The following DNAAF11 variants were observed in gnomAD, a reference collection of about 807,000 sequenced individuals.
The protein encoded by DNAAF11 is leucine rich repeat containing 6.
A neutral mutation model predicts 60.8 loss-of-function variants in DNAAF11; 45 were observed. The ratio of observed to expected loss-of-function variants is 0.74; its 90% CI spans 0.58 to 0.95. The LOEUF (loss-of-function observed/expected upper bound fraction) is 0.95. DNAAF11 is among the 40% of genes least tolerant of loss of function. The pLI is 0.00. For missense variants in DNAAF11, 546 were observed against 546.2 expected (o/e 1.00, Z 0.00); for synonymous variants, 191 against 183.5 (o/e 1.04, Z -0.33).
chr8:132,646,214 G>A (rs1206416276), intron 3 of DNAAF11, among the ~76,000 whole-genome samples: 1 of 152,110 alleles, frequency 6.6e-6, no homozygotes. Flanking sequence ...TTTCAACCCA[G>A]AATTTCATAT....
At chr8:132,616,301 C>A (rs528142280) in intron 7 of DNAAF11, among the ~76,000 whole-genome samples, 2 of 151,998 alleles carry the variant, frequency 1.3e-5, no homozygotes, top group South Asian at 4.2e-4. Flanking sequence ...AGAAAAGGAG[C>A]GTGTATCCTT....
chr8:132,611,862 C>CT (rs886096721), intron 8 of DNAAF11, among the ~76,000 whole-genome samples: 1 of 152,110 alleles, frequency 6.6e-6, no homozygotes, highest in Non-Finnish European at 1.5e-5. Flanking sequence ...ATAAGCAAAC[C>CT]CTTCTGTTTA....
intron 10 of DNAAF11, among the ~76,000 whole-genome samples, chr8:132,599,594 T>A (rs915149015): frequency 1.3e-5 from 2 of 152,168 alleles, no homozygotes; most frequent in Admixed American, 1.3e-4. Context: ...GTGGGCTTCA[T>A]CCCTGGGATG....
At position 132,625,407 on chromosome 8, in the gene DNAAF11, T is replaced by C; in HGVS notation, c.701A>G (p.Glu234Gly). 6.2e-7 allele frequency: 1 copy of C among 1,613,458 alleles called. No individual in the cohort carries two copies. The highest frequency in any genetic ancestry group is 8.5e-7 in the Non-Finnish European group (1 of 1,179,658). The part of the protein sequence containing the change: ...KDHLQAPDTE[E>G]HNTKKLDNSE... ...GTTGTCTAATTTCTTTGTGTTGTGT[T>C]CCTCTGTGTCTGGTGCCTGTAGGTG... Residue 234 changes from glutamate (E) to glycine (G), a missense_variant, in exon 6 of 12, where the codon GAA (glutamate) becomes GGA (glycine). By Grantham distance (98) the Glu-to-Gly change is moderately conservative. Coordinates refer to ENST00000620350, the MANE Select transcript of DNAAF11 (RefSeq NM_012472.6).
At chr8:132,675,194 C>T (rs1825669826) in intron 1 of DNAAF11, 1 of 404,714 alleles carries the variant, frequency 2.5e-6, no homozygotes, top group Non-Finnish European at 4.5e-6. Flanking sequence ...GCACGTTCCC[C>T]GACCCCTTTC....
chr8:132,686,657 G>A, the DNAAF11 span, among the ~76,000 whole-genome samples: 2 of 152,060 alleles, frequency 1.3e-5, no homozygotes, highest in Non-Finnish European at 2.9e-5. Flanking sequence ...TAGGAGGATA[G>A]CAGTGGTGAT....
chr8:132,699,455 A>G, the DNAAF11 span, among the ~76,000 whole-genome samples: 21,495 of 152,038 alleles, frequency 0.14, 4,333 homozygotes, highest in African/African-American at 0.45. Context: ...CAAGGAAGCC[A>G]AGTGGCCTGA....
At chr8:132,695,004 G>A in the DNAAF11 span, among the ~76,000 whole-genome samples, 1 of 152,172 alleles carries the variant, frequency 6.6e-6, no homozygotes, top group South Asian at 2.1e-4. Context: ...TTAAGAAGGA[G>A]GGAGTCATTA....
chr8:132,620,065 GGTAGGAGAGCAGCTTGTAGGACA>G (rs1819601520), intron 7 of DNAAF11, among the ~76,000 whole-genome samples: 1 of 152,176 alleles, frequency 6.6e-6, no homozygotes, highest in South Asian at 2.1e-4. Context: ...GGAGAGAGAA[GGTAGGAGAGCAGCTTGTAGGACA>G]GTAGGAGAAT....
chr8:132,701,843 T>C, the DNAAF11 span, among the ~76,000 whole-genome samples: 1 of 152,098 alleles, frequency 6.6e-6, no homozygotes, highest in South Asian at 2.1e-4. Flanking sequence ...ACCAGAGCAA[T>C]GGCCACATGA....
chr8:132,675,583 C>G (rs994034357), upstream of DNAAF11: 7 of 1,356,932 alleles, frequency 5.2e-6, no homozygotes, highest in Admixed American at 2.5e-5. Flanking sequence ...AGCGCGTCCC[C>G]GTCGGAATTC....
intron 10 of DNAAF11, among the ~76,000 whole-genome samples, chr8:132,609,841 A>G (rs1818478128): frequency 1.3e-5 from 2 of 152,208 alleles, no homozygotes; most frequent in Non-Finnish European, 2.9e-5. Context: ...GGGTTTCTGC[A>G]GCTTACAGCA....
intron 5 of DNAAF11, among the ~76,000 whole-genome samples, chr8:132,630,404 C>T (rs1269193419): frequency 6.6e-6 from 1 of 152,036 alleles, no homozygotes; most frequent in South Asian, 2.1e-4. Context: ...ATTAGCTACC[C>T]ATATGAAAAA....
At chr8:132,617,975 G>A (rs1446738244) in intron 7 of DNAAF11, among the ~76,000 whole-genome samples, 2 of 149,520 alleles carry the variant, frequency 1.3e-5, no homozygotes, top group African/African-American at 4.9e-5. Flanking sequence ...CCAAAAAAGA[G>A]CCCACATCGC....
intron 3 of DNAAF11, among the ~76,000 whole-genome samples, chr8:132,642,193 G>A (rs1258106319): frequency 6.6e-6 from 1 of 152,142 alleles, no homozygotes; most frequent in Non-Finnish European, 1.5e-5. Context: ...TATATAATAT[G>A]CTTATTAACT....
At chr8:132,586,835 C>T (rs1169920986) in intron 10 of DNAAF11, among the ~76,000 whole-genome samples, 1 of 152,184 alleles carries the variant, frequency 6.6e-6, no homozygotes, top group African/African-American at 2.4e-5. Context: ...CTTCTTCCCT[C>T]CCTTTCCAGG....
At chr8:132,628,569 A>G (rs1306244102) in intron 5 of DNAAF11, among the ~76,000 whole-genome samples, 1 of 152,176 alleles carries the variant, frequency 6.6e-6, no homozygotes, top group Non-Finnish European at 1.5e-5. Context: ...GTCAAGAGGT[A>G]GATGTTCATC....
chr8:132,607,562 C>A (rs1818252844), intron 10 of DNAAF11, among the ~76,000 whole-genome samples: 1 of 152,088 alleles, frequency 6.6e-6, no homozygotes, highest in Non-Finnish European at 1.5e-5. Flanking sequence ...ATAGATCCAG[C>A]CTCATTTAGG....
At chr8:132,639,652 T>C (rs941469980) in intron 3 of DNAAF11, among the ~76,000 whole-genome samples, 1 of 152,194 alleles carries the variant, frequency 6.6e-6, no homozygotes, top group African/African-American at 2.4e-5. Flanking sequence ...TCCTATCACC[T>C]GACTCAATCT....
Sources: gnomAD v4.1 joint callset for allele counts (sites outside exome capture counted in the v4.1 genomes callset) on GRCh38, gnomAD v4.1.1 for gene constraint, MANE v1.5 for transcripts, NCBI Gene and HGNC (gene_info 2026-07-23, HGNC 2026-07-21) for gene names.